LARGE1: variants seen among roughly 807,000 people sequenced by gnomAD.
LARGE1 encodes xylosyl- and glucuronyltransferase LARGE1.
In LARGE1, 43 loss-of-function variants were observed where a neutral mutation model predicts 87.6. The observed-to-expected ratio is 0.49, with a 90% CI of 0.38 to 0.63. The LOEUF (loss-of-function observed/expected upper bound fraction) is 0.63. LARGE1 is among the 30% of genes least tolerant of loss of function. The pLI is 0.00. For missense variants in LARGE1, 802 were observed against 1,000.2 expected (o/e 0.80, Z 2.67); for synonymous variants, 434 against 394.6 (o/e 1.10, Z -1.18).
Position 33,546,710 on chromosome 22 carries a change from A to T in LARGE1, c.787+18138T>A, listed in dbSNP as rs188368844. On this transcript the variant is annotated intron_variant, in intron 6 of 14. Coordinates refer to ENST00000397394, the MANE Select transcript of LARGE1 (RefSeq NM_133642.5). Reference sequence around the variant, plus strand: ...AGAAATTCTCAGCCTCAGCCTCCCAAGTAGCTGGGACTACAGGTGCATGCC... The same window carrying T: ...AGAAATTCTCAGCCTCAGCCTCCCATGTAGCTGGGACTACAGGTGCATGCC... Among the ~76,000 whole-genome samples the T allele has an allele frequency of 1.7e-3, 264 of 152,236 alleles. 1 individual carries two copies. The highest frequency in any genetic ancestry group is 6.0e-3 in the African/African-American group (250 of 41,550).
At chr22:33,892,416 G>A (rs1331140527) in intron 1 of LARGE1, among the ~76,000 whole-genome samples, 1 of 152,170 alleles carries the variant, frequency 6.6e-6, no homozygotes, top group Non-Finnish European at 1.5e-5. Flanking sequence ...TTAAGGCATA[G>A]GCTTAAAACT....
Position 33,205,920 on chromosome 22 carries a change from G to A in LARGE1, c.1731-39088C>T, listed in dbSNP as rs548664876. ...CAGCCTCCTGAGCAGCTGGGATTAC[G>A]GGTGCCCACTACCATGCCATGCTAA... is the stretch of plus-strand genomic sequence containing the variant. On this transcript the variant is annotated intron_variant, in intron 11 of 11. Coordinates refer to the LARGE1 transcript ENST00000608642. Among the ~76,000 whole-genome samples, 8 of 147,404 alleles carry A rather than the reference G, an allele frequency of 5.4e-5. No individual in the cohort carries two copies. In the South Asian group the frequency reaches 1.3e-3, roughly 24 times the overall value.
At chr22:33,375,943 T>G (rs1251632818) in intron 9 of LARGE1, among the ~76,000 whole-genome samples, 4 of 152,190 alleles carry the variant, frequency 2.6e-5, no homozygotes, top group Non-Finnish European at 1.5e-5. Context: ...GATTACTATG[T>G]GGTCAAATCA....
In LARGE1 at chr22:33,645,301, T is replaced by C. The variant is rs185849070; in HGVS notation, c.408+5066A>G. On this transcript the variant is annotated intron_variant, in intron 3 of 14. Coordinates refer to ENST00000397394, the MANE Select transcript of LARGE1 (RefSeq NM_133642.5). Reference sequence around the variant, plus strand: ...CAGAAATTAACCACACATTTACAACTATCTGATCTTTGACAAACCTGACAA... The same window carrying C: ...CAGAAATTAACCACACATTTACAACCATCTGATCTTTGACAAACCTGACAA... Among the ~76,000 whole-genome samples, 501 of 152,240 alleles carry C rather than the reference T, an allele frequency of 3.3e-3. 3 individuals are homozygous for C. The highest frequency in any genetic ancestry group is 0.011 in the African/African-American group (474 of 41,552).
upstream of LARGE1, among the ~76,000 whole-genome samples, chr22:33,920,747 G>C (rs1031911226): frequency 1.4e-5 from 2 of 142,740 alleles, no homozygotes; most frequent in African/African-American, 5.0e-5. Flanking sequence ...AGCGCTCGCC[G>C]GCCTTGGCCG....
downstream of LARGE1, among the ~76,000 whole-genome samples, chr22:33,159,766 T>C (rs1239631909): frequency 6.6e-6 from 1 of 151,828 alleles, no homozygotes; most frequent in Non-Finnish European, 1.5e-5. Context: ...TTGTATTTTT[T>C]TTAGTAGAGA....
chr22:33,863,902 G>C (rs1201370373), intron 1 of LARGE1, among the ~76,000 whole-genome samples: 1 of 152,178 alleles, frequency 6.6e-6, no homozygotes, highest in Non-Finnish European at 1.5e-5. Context: ...GCTCCCATTG[G>C]ACTGCAGTTT....
chr22:33,871,982 C>CAAAAA (rs58105742), intron 1 of LARGE1, among the ~76,000 whole-genome samples: 22 of 86,788 alleles, frequency 2.5e-4, no homozygotes, highest in East Asian at 6.5e-4. Flanking sequence ...TCTAAATCAG[C>CAAAAA]AAAAAAAAAA....
At chr22:33,312,111 A>T (rs1176959526) in intron 11 of LARGE1, among the ~76,000 whole-genome samples, 1 of 152,166 alleles carries the variant, frequency 6.6e-6, no homozygotes, top group Non-Finnish European at 1.5e-5. Context: ...GATCTTTGTA[A>T]CAACCTTAGG....
chr22:33,752,982 G>A (rs1003922655), intron 2 of LARGE1, among the ~76,000 whole-genome samples: 7 of 152,232 alleles, frequency 4.6e-5, no homozygotes, highest in East Asian at 1.9e-4. Flanking sequence ...AGTACTTTGG[G>A]AGGCCAAGGC....
intron 6 of LARGE1, among the ~76,000 whole-genome samples, chr22:33,538,616 G>A (rs1187977039): frequency 1.3e-5 from 2 of 152,090 alleles, no homozygotes; most frequent in Non-Finnish European, 2.9e-5. Flanking sequence ...TTGGAATACA[G>A]AGATAAATAA....
chr22:33,762,692 T>A (rs1003245098), intron 1 of LARGE1, among the ~76,000 whole-genome samples: 9 of 152,316 alleles, frequency 5.9e-5, no homozygotes, highest in African/African-American at 2.2e-4. Flanking sequence ...CTGGCCGTGA[T>A]GTGTCAACGG....
At chr22:33,213,852 TCTCA>T (rs1262233962) in intron 11 of LARGE1, among the ~76,000 whole-genome samples, 1 of 151,480 alleles carries the variant, frequency 6.6e-6, no homozygotes. Context: ...TGAGACGGAG[TCTCA>T]CTCTGTCTGT....
At chr22:33,842,705 G>A (rs1026686025) in intron 1 of LARGE1, among the ~76,000 whole-genome samples, 2 of 152,192 alleles carry the variant, frequency 1.3e-5, no homozygotes, top group African/African-American at 4.8e-5. Flanking sequence ...CTACATCTGT[G>A]CTCTAAAATA....
At chr22:33,135,614 T>C in the LARGE1 span, among the ~76,000 whole-genome samples, 5 of 151,746 alleles carry the variant, frequency 3.3e-5, no homozygotes, top group African/African-American at 1.2e-4. Context: ...CGGAGGTGGG[T>C]GGATCACTTG....
At chr22:33,901,214 G>C (rs1015413513) in intron 1 of LARGE1, among the ~76,000 whole-genome samples, 4 of 152,090 alleles carry the variant, frequency 2.6e-5, no homozygotes, top group African/African-American at 4.8e-5. Context: ...GAACCAGAAG[G>C]GTTCTCACCG....
At chr22:33,499,853 A>T (rs959210983) in intron 6 of LARGE1, among the ~76,000 whole-genome samples, 1 of 152,134 alleles carries the variant, frequency 6.6e-6, no homozygotes, top group Non-Finnish European at 1.5e-5. Context: ...GGCTCACTGC[A>T]ACCTCCGCCT....
chr22:33,277,688 G>A (rs1929605237), intron 13 of LARGE1, among the ~76,000 whole-genome samples: 1 of 152,212 alleles, frequency 6.6e-6, no homozygotes. Context: ...CCTGCTGACA[G>A]CTTGATCTTG....
At chr22:33,891,027 T>C (rs549149825) in intron 1 of LARGE1, among the ~76,000 whole-genome samples, 1 of 8,600 alleles carries the variant, frequency 1.2e-4, no homozygotes, top group South Asian at 1.3e-3. Flanking sequence ...TCTGTGCATA[T>C]GGGAAGCTGC....
Sources: gnomAD v4.1 joint callset for allele counts (sites outside exome capture counted in the v4.1 genomes callset) on GRCh38, gnomAD v4.1.1 for gene constraint, MANE v1.5 for transcripts, NCBI Gene and HGNC (gene_info 2026-07-23, HGNC 2026-07-21) for gene names.